PRKN: variants seen among roughly 807,000 people sequenced by gnomAD.
PRKN encodes the protein E3 ubiquitin-protein ligase parkin.
PRKN carries 56 observed loss-of-function variants against 59.5 expected under a neutral mutation model. The observed-to-expected ratio is 0.94, with a 90% CI of 0.76 to 1.18. The LOEUF is 1.18. Among genes scored for constraint, PRKN ranks in the 50% most tolerant of loss-of-function variants. The pLI, the probability that PRKN is intolerant of heterozygous loss-of-function variation, is 0.00. For synonymous variants in PRKN, 250 were observed against 222.1 expected, an observed-to-expected ratio of 1.13 and a Z score of -1.12; for missense variants, 657 against 596.4, an observed-to-expected ratio of 1.10 and a Z score of -1.06.
Position 162,099,769 on chromosome 6 carries a change from G to A in PRKN, c.535-45595C>T, listed in dbSNP as rs964394509. Among the ~76,000 whole-genome samples, 9 of 152,034 alleles carry A rather than the reference G, an allele frequency of 5.9e-5. No individual in the cohort carries two copies. In the South Asian group the frequency reaches 1.9e-3, roughly 32 times the overall value. On this transcript the variant is annotated intron_variant, in intron 4 of 11. Transcript: ENST00000366898. Reference sequence around the variant, plus strand: ...TTACCTCATATACTTATTTTTTGTGGTGACAACACCGAATATCTAGTCATT... The same window carrying A: ...TTACCTCATATACTTATTTTTTGTGATGACAACACCGAATATCTAGTCATT...
chr6:161,414,272 G>A lies in PRKN; in HGVS notation c.1084-27395C>T, dbSNP rs543331449. 1.3e-5 allele frequency among the ~76,000 whole-genome samples: 2 copies of A among 152,146 alleles called. No homozygotes were observed. The highest frequency in any genetic ancestry group is 1.3e-4 in the Admixed American group (2 of 15,282). On this transcript the variant is annotated intron_variant, in intron 9 of 11. Transcript: ENST00000366898. This position sits in a 1 kb window ranked among gnomAD's most constrained non-coding sequence, Gnocchi z 5.3. Reference sequence around the variant, plus strand: ...GCCGTGCACCCTTCTCCGGAAGGCTGGAGGGTGTTCAGCGTTGTTTGTCAC... The same window carrying A: ...GCCGTGCACCCTTCTCCGGAAGGCTAGAGGGTGTTCAGCGTTGTTTGTCAC...
intron 2 of PRKN, among the ~76,000 whole-genome samples, chr6:162,288,430 A>C (rs898701981): frequency 1.3e-5 from 2 of 152,088 alleles, no homozygotes; most frequent in African/African-American, 2.4e-5. Context: ...TCAAGTCTGT[A>C]ATCGGCTGGC....
intron 2 of PRKN, among the ~76,000 whole-genome samples, chr6:162,297,107 T>A (rs1448554763): frequency 6.6e-6 from 1 of 151,904 alleles, no homozygotes; most frequent in African/African-American, 2.4e-5. Context: ...AGCCATAGCT[T>A]AATCCTACAT....
intron 4 of PRKN, among the ~76,000 whole-genome samples, chr6:162,125,881 G>A (rs1278524494): frequency 6.6e-6 from 1 of 152,156 alleles, no homozygotes; most frequent in Non-Finnish European, 1.5e-5. Flanking sequence ...GTTGGAGGGT[G>A]AATTGCTGTA....
At position 161,625,841 on chromosome 6, in the gene PRKN, C is replaced by A. The variant is rs759033943; in HGVS notation, c.872-56425G>T. 5.3e-5 allele frequency among the ~76,000 whole-genome samples: 8 copies of A among 152,266 alleles called. No homozygotes were observed. The South Asian group carries it at 6.2e-4, about 12-fold the overall frequency. ...CCAGGCCTCCTTAGGTTTATTGATA[C>A]CCTTCCCTTAGTCACAAAATTTCCT... On this transcript the variant is annotated intron_variant, in intron 7 of 11. Transcript: ENST00000366898.
chr6:162,396,332 T>A (rs1166220200), intron 2 of PRKN, among the ~76,000 whole-genome samples: 1 of 152,198 alleles, frequency 6.6e-6, no homozygotes, highest in Non-Finnish European at 1.5e-5. Context: ...TCAGCATTAG[T>A]GTTGTCCAGC....
chr6:161,526,680 T>C lies in PRKN; in HGVS notation c.1083+22174A>G, dbSNP rs56396865. Among the ~76,000 whole-genome samples, 24,556 of 151,998 alleles carry C rather than the reference T, an allele frequency of 0.16. 2,090 individuals are homozygous for C. Among genetic ancestry groups the C allele is most frequent in the African/African-American group, 0.19 (7,884 of 41,492 alleles). On this transcript the variant is annotated intron_variant, in intron 9 of 11. Transcript: ENST00000366898. The surrounding 1 kb of genome is among the most constrained non-coding windows in gnomAD (Gnocchi z 4.1). ...ATATAATTTTACATTTACTCATCCA[T>C]TCATTTGCAAATGTTTGCTAAGCAC...
At chr6:161,894,790 G>A (rs2128233067) in intron 6 of PRKN, among the ~76,000 whole-genome samples, 1 of 152,282 alleles carries the variant, frequency 6.6e-6, no homozygotes, top group Non-Finnish European at 1.5e-5. Context: ...CATATTGGCA[G>A]AATTATTACT....
At chr6:161,973,900 A>G (rs893930106) in intron 5 of PRKN, among the ~76,000 whole-genome samples, 6 of 152,202 alleles carry the variant, frequency 3.9e-5, no homozygotes, top group Non-Finnish European at 8.8e-5. Flanking sequence ...TTAGTCATTT[A>G]GCGGAGTCAG....
intron 4 of PRKN, among the ~76,000 whole-genome samples, chr6:162,060,478 C>G (rs1778054737): frequency 6.6e-6 from 1 of 152,062 alleles, no homozygotes; most frequent in Admixed American, 6.6e-5. Context: ...GAAAAATGAC[C>G]CCACAGAGGG....
At chr6:161,494,992 T>C (rs984931755) in intron 9 of PRKN, among the ~76,000 whole-genome samples, 1 of 152,156 alleles carries the variant, frequency 6.6e-6, no homozygotes, top group Non-Finnish European at 1.5e-5. Flanking sequence ...GGAAATAAAA[T>C]GCGAGCCACA....
At chr6:161,627,794 T>A (rs546547444) in intron 7 of PRKN, among the ~76,000 whole-genome samples, 1 of 152,236 alleles carries the variant, frequency 6.6e-6, no homozygotes, top group African/African-American at 2.4e-5. Context: ...ACTCTCAGTG[T>A]ATTTCTGCTA....
chr6:162,587,666 T>C (rs1781119106), intron 1 of PRKN, among the ~76,000 whole-genome samples: 1 of 152,184 alleles, frequency 6.6e-6, no homozygotes, highest in South Asian at 2.1e-4. Context: ...AATCTGATGA[T>C]TATACATGCA....
In PRKN at chr6:161,577,398, C is replaced by T. The variant is rs572586683; in HGVS notation, c.872-7982G>A. 3.3e-5 allele frequency among the ~76,000 whole-genome samples: 5 copies of T among 152,242 alleles called. No individual in the cohort carries two copies. The South Asian group carries it at 1.0e-3, about 32-fold the overall frequency. On this transcript the variant is annotated intron_variant, in intron 7 of 11. Coordinates refer to ENST00000366898, the MANE Select transcript of PRKN (RefSeq NM_004562.3). ...ATCTCTAGATGAAACCTTTAAAGTA[C>T]ATCTAAAAATAACCTTGGAAAAGGC...
chr6:162,235,969 G>GAAAGAAAGA (rs1562602390), intron 3 of PRKN, among the ~76,000 whole-genome samples: 1,756 of 76,634 alleles, frequency 0.023, 51 homozygotes, highest in South Asian at 0.093. Flanking sequence ...AAGAAAGAAA[G>GAAAGAAAGA]AAAGAAAGAA....
At chr6:161,539,703 C>G (rs1779550481) in intron 9 of PRKN, among the ~76,000 whole-genome samples, 1 of 152,142 alleles carries the variant, frequency 6.6e-6, no homozygotes, top group Non-Finnish European at 1.5e-5. Flanking sequence ...AGGTTATAAA[C>G]TGAAAAGTAA....
intron 5 of PRKN, among the ~76,000 whole-genome samples, chr6:162,034,686 T>C (rs1377616825): frequency 6.6e-6 from 1 of 152,236 alleles, no homozygotes; most frequent in Non-Finnish European, 1.5e-5. Context: ...AAAACCCTAA[T>C]GACTCAACAT....
chr6:162,346,844 T>C (rs1467337100), intron 2 of PRKN, among the ~76,000 whole-genome samples: 1 of 152,084 alleles, frequency 6.6e-6, no homozygotes, highest in Non-Finnish European at 1.5e-5. Flanking sequence ...CTGGAATAAA[T>C]CCTAGAGGGT....
chr6:161,606,964 G>C (rs1782307202), intron 7 of PRKN, among the ~76,000 whole-genome samples: 1 of 152,186 alleles, frequency 6.6e-6, no homozygotes, highest in Non-Finnish European at 1.5e-5. Context: ...ATGGGGGGGA[G>C]ATGAGGGGCT....
Sources: allele counts gnomAD v4.1 joint callset (sites outside exome capture counted in the v4.1 genomes callset), GRCh38; gene constraint gnomAD v4.1.1; non-coding constraint Gnocchi (gnomAD v3.1); transcripts MANE v1.5; gene names NCBI Gene and HGNC (gene_info 2026-07-23, HGNC 2026-07-21).